Variants in METTL9 observed in about 807,000 individuals in gnomAD.
The protein encoded by METTL9 is protein-L-histidine N-pros-methyltransferase.
Under a neutral mutation model 36.0 loss-of-function variants are expected in METTL9, and 10 were observed. The ratio of observed to expected loss-of-function variants is 0.28; its 90% CI spans 0.17 to 0.47. The LOEUF (loss-of-function observed/expected upper bound fraction) is 0.47, where lower values mean the gene tolerates loss of function less well. METTL9 is among the 20% of genes least tolerant of loss of function. METTL9 has a pLI of 0.99. For missense variants in METTL9, 246 were observed against 383.5 expected (o/e 0.64, Z 3.00); for synonymous variants, 175 against 149.7 (o/e 1.17, Z -1.23).
At chr16:21,623,287 TG>T (rs774951953) in intron 3 of METTL9, among the ~76,000 whole-genome samples, 3 of 152,182 alleles carry the variant, frequency 2.0e-5, no homozygotes, top group Non-Finnish European at 4.4e-5. Flanking sequence ...AAATATAGAT[TG>T]AAAAGAAAAT....
chr16:21,634,669 G>A (rs1189621974), intron 4 of METTL9, among the ~76,000 whole-genome samples: 1 of 152,108 alleles, frequency 6.6e-6, no homozygotes, highest in Non-Finnish European at 1.5e-5. Flanking sequence ...CAGGGCCCAG[G>A]GCTTGCTTTT....
intron 1 of METTL9, among the ~76,000 whole-genome samples, chr16:21,608,442 T>A (rs780685337): frequency 5.3e-5 from 8 of 152,168 alleles, no homozygotes; most frequent in Non-Finnish European, 1.0e-4. Flanking sequence ...CACTCTGGAA[T>A]GTAAGTTCTC....
chr16:21,644,377 C>T, intron 4 of METTL9: 2 of 1,613,068 alleles, frequency 1.2e-6, no homozygotes, highest in South Asian at 1.1e-5. Context: ...TCCGCAGTTC[C>T]TTGCTGAGCA....
At chr16:21,642,458 C>CT (rs1254974682) in intron 4 of METTL9, 3 of 152,272 alleles carry the variant, frequency 2.0e-5, no homozygotes, top group Admixed American at 2.0e-4. Context: ...CTTATTTGAG[C>CT]TATCTCATCA....
chr16:21,602,525 C>T (rs1410204122), intron 1 of METTL9, among the ~76,000 whole-genome samples: 2 of 152,046 alleles, frequency 1.3e-5, no homozygotes, highest in African/African-American at 4.8e-5. Context: ...ACTGGTCTCA[C>T]AGACTTATTT....
intron 4 of METTL9, among the ~76,000 whole-genome samples, chr16:21,637,668 G>A (rs778290821): frequency 3.1e-4 from 47 of 152,372 alleles, no homozygotes; most frequent in Non-Finnish European, 5.6e-4. Context: ...TGCTGGGCCT[G>A]CTGAGCCCGT....
rs561268498 is a variant in METTL9 at position 21,615,151 on chromosome 16, G to T, written c.356+2316G>T. Among the ~76,000 whole-genome samples the T allele has an allele frequency of 2.0e-5, 3 of 152,278 alleles. No homozygotes were observed. In the South Asian group the frequency reaches 6.2e-4, roughly 32 times the overall value. On this transcript the variant is annotated intron_variant, in intron 2 of 4. Transcript: ENST00000358154. The stretch of plus-strand genomic sequence containing the variant: ...ATGGATTTTGATTTATTTTTTGACA[G>T]TGTTAATCTTTTTGTAGAGCCCCTG...
chr16:21,649,006 T>C (rs376468749), intron 4 of METTL9, among the ~76,000 whole-genome samples: 3 of 152,276 alleles, frequency 2.0e-5, no homozygotes, highest in South Asian at 2.1e-4. Context: ...ATTTTTGTTA[T>C]TGTTTTTGGA....
chr16:21,650,713 G>T (rs1966550758), intron 4 of METTL9, among the ~76,000 whole-genome samples: 1 of 152,098 alleles, frequency 6.6e-6, no homozygotes. Context: ...GCAGGAACTT[G>T]TGATGAAACT....
intron 4 of METTL9, chr16:21,647,550 A>G (rs1048562166): frequency 1.1e-5 from 17 of 1,545,188 alleles, no homozygotes; most frequent in Non-Finnish European, 1.5e-5. Context: ...TTGTGCTTTT[A>G]TTATATTTTT....
rs370176038 is a variant in METTL9 at position 21,620,767 on chromosome 16, G to A, written c.566+2693G>A. On this transcript the variant is annotated intron_variant, in intron 3 of 4. Coordinates refer to ENST00000358154, the MANE Select transcript of METTL9 (RefSeq NM_016025.5). ...ATGAAGTGAAAACATTTTCACAAAA[G>A]TGGTAAATTTTGTGACTATTGGTGC... Among the ~76,000 whole-genome samples, 18 of 152,250 alleles carry A rather than the reference G, an allele frequency of 1.2e-4. No homozygotes were observed. The East Asian group carries it at 3.1e-3, about 26-fold the overall frequency.
chr16:21,655,399 G>T lies in METTL9; in HGVS notation c.924G>T (p.Leu308=), dbSNP rs1966680215. 6.2e-7 allele frequency: 1 copy of T among 1,614,016 alleles called. No homozygotes were observed. Among genetic ancestry groups the T allele is most frequent in the Admixed American group, 1.7e-5 (1 of 59,998 alleles). ...EGDMYNDYYV[L]DDAVFVLKPV is the part of the protein sequence containing the mutation. ...ACATGTATAATGACTACTACGTTCT[G>T]GATGACGCTGTCTTTGTTCTCAAAC... Residue 308 remains leucine, a synonymous_variant, in exon 5 of 5, where the codon CTG becomes CTT. Coordinates refer to ENST00000358154, the MANE Select transcript of METTL9 (RefSeq NM_016025.5).
At chr16:21,628,315 C>CTATAGAAAT (rs1443942090) in intron 4 of METTL9, among the ~76,000 whole-genome samples, 1 of 152,080 alleles carries the variant, frequency 6.6e-6, no homozygotes, top group African/African-American at 2.4e-5. Flanking sequence ...AGTATTTACA[C>CTATAGAAAT]TATAGAAATT....
At chr16:21,600,218 C>T (rs1212570547) in intron 1 of METTL9, among the ~76,000 whole-genome samples, 2 of 152,148 alleles carry the variant, frequency 1.3e-5, no homozygotes, top group Non-Finnish European at 2.9e-5. Context: ...GGCAGCGGGA[C>T]TGGGGAACTT....
At chr16:21,645,537 TAACA>T (rs1184274404) in intron 4 of METTL9, among the ~76,000 whole-genome samples, 3 of 152,216 alleles carry the variant, frequency 2.0e-5, no homozygotes, top group Non-Finnish European at 2.9e-5. Context: ...TTTGTGAAAC[TAACA>T]AATTAACCAC....
intron 4 of METTL9, among the ~76,000 whole-genome samples, chr16:21,637,255 CAG>C (rs1224102130): frequency 3.9e-5 from 6 of 152,170 alleles, no homozygotes; most frequent in Non-Finnish European, 2.9e-5. Flanking sequence ...TCCGTTTTGA[CAG>C]AGCGCTGATT....
chr16:21,627,143 T>C (rs1965834521), intron 4 of METTL9: 1 of 985,374 alleles, frequency 1.0e-6, no homozygotes, highest in Non-Finnish European at 1.2e-6. Context: ...CACTCTATTA[T>C]TGCTTTCTTT....
At chr16:21,636,872 G>A (rs1204268616) in intron 4 of METTL9, among the ~76,000 whole-genome samples, 3 of 152,174 alleles carry the variant, frequency 2.0e-5, no homozygotes, top group South Asian at 2.1e-4. Context: ...AAAAGGGTCC[G>A]ATGGTACTTA....
chr16:21,621,947 C>T (rs1052077478), intron 3 of METTL9, among the ~76,000 whole-genome samples: 1 of 149,954 alleles, frequency 6.7e-6, no homozygotes, highest in Non-Finnish European at 1.5e-5. Context: ...GCTTACTGTG[C>T]AGCCTCCGCC....
Sources: gnomAD v4.1 joint callset for allele counts (sites outside exome capture counted in the v4.1 genomes callset) on GRCh38, gnomAD v4.1.1 for gene constraint, MANE v1.5 for transcripts, NCBI Gene and HGNC (gene_info 2026-07-23, HGNC 2026-07-21) for gene names.